Variants in MPRIP observed in about 807,000 individuals in gnomAD.
MPRIP encodes the protein myosin phosphatase Rho interacting protein, also known as myosin phosphatase Rho-interacting protein.
In MPRIP, 59 loss-of-function variants were observed where a neutral mutation model predicts 234.9. That is an observed-to-expected ratio of 0.25 (90% CI 0.20 to 0.31). MPRIP has a LOEUF of 0.31. MPRIP is among the 10% of genes least tolerant of loss of function. The pLI is 1.00. For missense variants in MPRIP, 2,436 were observed against 3,071.0 expected (o/e 0.79, Z 4.89); for synonymous variants, 1,144 against 1,263.9 (o/e 0.91, Z 2.01).
At chr17:17,046,705 GC>G (rs2088364081) in intron 1 of MPRIP, among the ~76,000 whole-genome samples, 1 of 152,108 alleles carries the variant, frequency 6.6e-6, no homozygotes, top group Non-Finnish European at 1.5e-5. Flanking sequence ...TTCTATAAGT[GC>G]TTTAGGTCAG....
intron 3 of MPRIP, among the ~76,000 whole-genome samples, chr17:17,114,838 G>C (rs1156681775): frequency 6.6e-6 from 1 of 152,106 alleles, no homozygotes; most frequent in Non-Finnish European, 1.5e-5. Flanking sequence ...CCAGGCAGCG[G>C]CCGAAGCCAG....
At chr17:17,148,229 A>C (rs2045522072) in intron 11 of MPRIP, among the ~76,000 whole-genome samples, 1 of 152,216 alleles carries the variant, frequency 6.6e-6, no homozygotes, top group African/African-American at 2.4e-5. Context: ...TGGGGAAGTA[A>C]GGAGCCTATG....
chr17:17,072,245 C>T (rs985113250), intron 1 of MPRIP, among the ~76,000 whole-genome samples: 6 of 152,176 alleles, frequency 3.9e-5, no homozygotes, highest in Non-Finnish European at 7.3e-5. Context: ...GCCTTTCCCA[C>T]GCCTTGGGGA....
chr17:17,136,323 C>T lies in MPRIP; in HGVS notation c.609C>T (p.Leu203=). The T allele has an allele frequency of 1.2e-6, 2 of 1,613,418 alleles. No individual in the cohort carries two copies. The highest frequency in any genetic ancestry group is 1.7e-6 in the Non-Finnish European group (2 of 1,179,714). ...AAGTCCCCACCACCAAGTCCACACTCTGGCAGGAAGAAATGAGGACCAAGG... is the reference window on the plus strand; with the variant it reads ...AAGTCCCCACCACCAAGTCCACACTTTGGCAGGAAGAAATGAGGACCAAGG... The part of the protein sequence containing the change: ...AEKVPTTKST[L]WQEEMRTKDQ... The change falls in exon 6 of 24, where the codon CTC becomes CTT. Residue 203 remains leucine (L), a synonymous_variant. Coordinates refer to ENST00000651222, the MANE Select transcript of MPRIP (RefSeq NM_001364716.4).
chr17:17,158,632 G>C lies in MPRIP; in HGVS notation c.2030G>C (p.Arg677Pro), dbSNP rs555568289. ...ATCCAGCAGGCCCTGGCTCAGGAGC[G>C]GGTGGGCGGCGTGGGGCCTGCTGAC... Reference protein sequence around the residue: ...RPIQQALAQERVGGVGPADTH... With the variant: ...RPIQQALAQEPVGGVGPADTH... The change falls in exon 14 of 24, where the codon CGG becomes CCG. Residue 677 changes from arginine (R) to proline (P), a missense_variant. Around this residue, in one of 4 missense-constraint regions of MPRIP, gnomAD observed 1,998 missense variants for 2,520.3 expected, o/e 0.79. Transcript: ENST00000651222. 2 of 1,601,814 alleles carry C rather than the reference G, an allele frequency of 1.2e-6. No homozygotes were observed. The highest frequency in any genetic ancestry group is 2.7e-5 in the African/African-American group (2 of 74,784).
intron 3 of MPRIP, among the ~76,000 whole-genome samples, chr17:17,121,394 C>T (rs2090385642): frequency 6.6e-6 from 1 of 152,254 alleles, no homozygotes; most frequent in Non-Finnish European, 1.5e-5. Flanking sequence ...TTGTGCGGTG[C>T]ATGACTGCAC....
At chr17:17,108,469 A>G (rs759415770) in intron 3 of MPRIP, among the ~76,000 whole-genome samples, 10 of 152,370 alleles carry the variant, frequency 6.6e-5, no homozygotes, top group African/African-American at 9.6e-5. Context: ...AAGAATTCCT[A>G]TGCCTCAGCC....
chr17:17,161,456 C>A, intron 15 of MPRIP, 100 bp downstream of exon 15: 2 of 694,914 alleles, frequency 2.9e-6, no homozygotes, highest in Non-Finnish European at 2.1e-6. Flanking sequence ...CTTGGCTGAG[C>A]AGGGGTGTCT....
intron 1 of MPRIP, among the ~76,000 whole-genome samples, chr17:17,044,267 C>T (rs940952672): frequency 1.3e-5 from 2 of 152,302 alleles, no homozygotes; most frequent in South Asian, 2.1e-4. Flanking sequence ...TCATTTACCT[C>T]GGAGGGTGTT....
intron 3 of MPRIP, among the ~76,000 whole-genome samples, chr17:17,105,400 G>C (rs925045190): frequency 6.6e-6 from 1 of 152,210 alleles, no homozygotes; most frequent in Non-Finnish European, 1.5e-5. Context: ...TACTCCTAGG[G>C]AGGCGGAGTC....
chr17:17,090,937 A>G (rs994176875), intron 3 of MPRIP, among the ~76,000 whole-genome samples: 1 of 150,184 alleles, frequency 6.7e-6, no homozygotes, highest in African/African-American at 2.5e-5. Context: ...GCCAGGATAA[A>G]CTGGAGCAGG....
At chr17:17,096,794 G>T in intron 3 of MPRIP, 1 of 471,134 alleles carries the variant, frequency 2.1e-6, no homozygotes, top group Non-Finnish European at 4.4e-6. Context: ...TCTCCTTGGG[G>T]CCTGGGGAAA....
chr17:17,056,798 G>T (rs924453976), intron 1 of MPRIP, among the ~76,000 whole-genome samples: 3 of 151,708 alleles, frequency 2.0e-5, no homozygotes, highest in African/African-American at 7.3e-5. Context: ...TTAGTCCCCA[G>T]CAACTACAAA....
chr17:17,042,935 C>G lies in MPRIP; in HGVS notation c.87C>G (p.Arg29=), dbSNP rs1414473210. ...AGTGTCAGAACTGCTTCAAGCCCCG[C>G]GAGTCGCATCTGCTCAACGACGAGG... ...KSKCQNCFKP[R]ESHLLNDEDL... Residue 29 remains arginine (R), a synonymous_variant, in exon 1 of 24, where the codon CGC becomes CGG. Transcript: ENST00000651222. 1 of 1,611,260 alleles carries G rather than the reference C, an allele frequency of 6.2e-7. No individual in the cohort carries two copies. The highest frequency in any genetic ancestry group is 8.5e-7 in the Non-Finnish European group (1 of 1,179,108).
At chr17:17,174,391 G>A (rs558892600) in intron 19 of MPRIP, among the ~76,000 whole-genome samples, 2 of 152,344 alleles carry the variant, frequency 1.3e-5, no homozygotes, top group East Asian at 3.9e-4. Flanking sequence ...TCTTCTCTGT[G>A]CTCCTCTGAA....
At chr17:17,096,293 GTGTGTGTGT>G in intron 3 of MPRIP, among the ~76,000 whole-genome samples, 1 of 2,020 alleles carries the variant, frequency 5.0e-4, no homozygotes, top group South Asian at 0.014. Context: ...TGCAGGGTGT[GTGTGTGTGT>G]GTGTGTGTGT....
chr17:17,154,246 TGGAG>T, intron 12 of MPRIP, 56 bp from the exon 13 acceptor site: 1 of 1,455,532 alleles, frequency 6.9e-7, no homozygotes, highest in Non-Finnish European at 9.6e-7. Context: ...TCTTTGGAGA[TGGAG>T]GGCAGCAGGC....
chr17:17,125,028 G>C (rs1194174660), intron 3 of MPRIP, among the ~76,000 whole-genome samples: 5 of 152,194 alleles, frequency 3.3e-5, no homozygotes, highest in African/African-American at 9.7e-5. Flanking sequence ...CTAACATAAA[G>C]ATGGGGTCTG....
At chr17:17,153,652 C>A (rs561092537) in intron 12 of MPRIP, among the ~76,000 whole-genome samples, 1 of 151,256 alleles carries the variant, frequency 6.6e-6, no homozygotes, top group South Asian at 2.1e-4. Flanking sequence ...TGTCTAGGTG[C>A]TCCCCAACCC....
Sources: allele counts gnomAD v4.1 joint callset (sites outside exome capture counted in the v4.1 genomes callset), GRCh38; gene constraint gnomAD v4.1.1; regional missense constraint gnomAD v4.1.1; transcripts MANE v1.5; gene names NCBI Gene and HGNC (gene_info 2026-07-23, HGNC 2026-07-21).